Variants in SCN3A observed in about 807,000 individuals in gnomAD.
The protein encoded by SCN3A is sodium channel protein type 3 subunit alpha.
A neutral mutation model predicts 187.6 loss-of-function variants in SCN3A; 60 were observed. The ratio of observed to expected loss-of-function variants is 0.32; its 90% CI spans 0.26 to 0.40. The LOEUF is 0.40. Ranked by LOEUF, SCN3A falls within the 10% of genes least tolerant of loss-of-function variation. The pLI is 1.00. For synonymous variants in SCN3A, 788 were observed against 829.2 expected, an observed-to-expected ratio of 0.95 and a Z score of 0.85; for missense variants, 1,601 against 2,428.2, an observed-to-expected ratio of 0.66 and a Z score of 7.16.
At chr2:165,091,496 A>T (rs1395520065) in intron 27 of SCN3A, 151 bp from the exon 28 acceptor site, 1 of 1,053,542 alleles carries the variant, frequency 9.5e-7, no homozygotes, top group Admixed American at 2.1e-5. Context: ...TAGCAATTAC[A>T]GATTACAGAG....
At chr2:165,109,408 C>G (rs1293980422) in intron 21 of SCN3A, among the ~76,000 whole-genome samples, 1 of 152,156 alleles carries the variant, frequency 6.6e-6, no homozygotes, top group Non-Finnish European at 1.5e-5. Context: ...GTCTAATAAA[C>G]ATCTCAAATG....
chr2:165,090,173 CT>C lies in SCN3A; in HGVS notation c.5979del (p.Glu1994ArgfsTer41). 6.3e-7 allele frequency: 1 copy of C among 1,590,654 alleles called. No homozygotes were observed. Among genetic ancestry groups the C allele is most frequent in the Non-Finnish European group, 8.6e-7 (1 of 1,164,486 alleles). On this transcript the variant is annotated frameshift_variant, in exon 28 of 28. Transcript: ENST00000283254. LOFTEE classifies it high-confidence loss of function. The surrounding 1 kb of genome is among the most constrained non-coding windows in gnomAD (Gnocchi z 4.0). ...TTTTACTTTTGATTTTCTCTGACCT[CT>C]TTTCCTTTGCTTTCTTTTTCTGGTT... ...KDKPEKESKGKEVRENQK is the reference protein window; with the variant it reads ...KDKPEKESKGXEVRENQK
At chr2:165,183,344 T>G (rs1173350875) in intron 2 of SCN3A, among the ~76,000 whole-genome samples, 1 of 152,232 alleles carries the variant, frequency 6.6e-6, no homozygotes, top group African/African-American at 2.4e-5. Flanking sequence ...ATATTTGTCT[T>G]GAATCTTACT....
At chr2:165,145,931 G>GACATATGTAA (rs1688290960) in intron 12 of SCN3A, among the ~76,000 whole-genome samples, 1 of 151,992 alleles carries the variant, frequency 6.6e-6, no homozygotes, top group Non-Finnish European at 1.5e-5. Context: ...CTTTACATCA[G>GACATATGTAA]ACATATGTAA....
rs966435423 is a variant in SCN3A at position 165,168,895 on chromosome 2, A to C, written c.384-70T>G. ...ATTTATAAATGATCCAAAACACACA[A>C]AAAAGTTTATCGATGCAAAAACTGT... On this transcript the variant is annotated intron_variant, in intron 4 of 27. Transcript: ENST00000283254. 2.8e-6 allele frequency: 3 copies of C among 1,087,228 alleles called. No individual in the cohort carries two copies. The African/African-American group carries it at 4.6e-5, about 17-fold the overall frequency. 67.3% of individuals were successfully genotyped at this position (1,087,228 alleles called of 1,614,324 possible). A position where few individuals can be genotyped will look rare whatever the true frequency, so the allele number is the denominator to read the frequency against.
At chr2:165,144,798 G>C (rs1211504429) in intron 12 of SCN3A, among the ~76,000 whole-genome samples, 1 of 151,992 alleles carries the variant, frequency 6.6e-6, no homozygotes, top group Non-Finnish European at 1.5e-5. Context: ...TGAGGTCAGT[G>C]GATTGAGTCT....
rs762077258 is a variant in SCN3A at position 165,097,227 on chromosome 2, CA to C, written c.4239+24del. The C allele has an allele frequency of 4.3e-6, 7 of 1,612,754 alleles. 1 individual carries two copies. In the South Asian group the frequency reaches 7.7e-5, roughly 18 times the overall value. ...CCTTGAAACATCTTGAAAACTTTTT[CA>C]AAACTCGTACAGTAGCCACTTACCA... is the stretch of plus-strand genomic sequence containing the variant. On this transcript the variant is annotated intron_variant, in intron 23 of 27. Coordinates refer to ENST00000283254, the MANE Select transcript of SCN3A (RefSeq NM_006922.4).
chr2:165,095,994 G>T (rs553870925), intron 24 of SCN3A, among the ~76,000 whole-genome samples: 1 of 152,030 alleles, frequency 6.6e-6, no homozygotes, highest in Non-Finnish European at 1.5e-5. Flanking sequence ...TTGGAAATAC[G>T]GCTTTAAGAG....
intron 21 of SCN3A, among the ~76,000 whole-genome samples, chr2:165,111,038 A>G (rs536478903): frequency 6.6e-6 from 1 of 152,308 alleles, no homozygotes; most frequent in East Asian, 1.9e-4. Flanking sequence ...CTTCTATCAC[A>G]TTTTAAAATA....
intron 21 of SCN3A, among the ~76,000 whole-genome samples, chr2:165,103,370 G>A (rs1685697719): frequency 2.0e-5 from 3 of 152,114 alleles, no homozygotes; most frequent in Admixed American, 6.5e-5. Context: ...CTGTTTTTAT[G>A]TCTAATGTGT....
rs369010746 is a variant in SCN3A at position 165,140,936 on chromosome 2, G to A, written c.1734C>T (p.Phe578=). The change falls in exon 13 of 28, where the codon TTC becomes TTT. Residue 578 remains phenylalanine, a synonymous_variant. Transcript: ENST00000283254. This position sits in a 1 kb window ranked among gnomAD's most constrained non-coding sequence, Gnocchi z 4.2. The part of the protein sequence containing the change: ...SPRRNSKTSI[F]SFRGRAKDVG... The stretch of plus-strand genomic sequence containing the variant: ...CATCCTTTGCCCGACCTCTGAAACT[G>A]AAAATGCTTGTTTTGCTATTGCGTC... 8 of 1,613,948 alleles carry A rather than the reference G, an allele frequency of 5.0e-6. No individual in the cohort carries two copies. In the African/African-American group the frequency reaches 1.1e-4, roughly 22 times the overall value.
chr2:165,158,200 A>T (rs1689179236), intron 9 of SCN3A, among the ~76,000 whole-genome samples: 1 of 93,380 alleles, frequency 1.1e-5, no homozygotes, highest in African/African-American at 5.9e-5. Context: ...CAGGATTGTT[A>T]ATCTATACTA....
At chr2:165,124,894 T>C (rs1226953073) in intron 18 of SCN3A, among the ~76,000 whole-genome samples, 2 of 152,144 alleles carry the variant, frequency 1.3e-5, no homozygotes, top group Non-Finnish European at 2.9e-5. Flanking sequence ...CTAAACTGTT[T>C]TACTCTTTGA....
intron 7 of SCN3A, 147 bp downstream of exon 7, chr2:165,163,471 G>C: frequency 1.0e-6 from 1 of 973,784 alleles, no homozygotes; most frequent in Non-Finnish European, 1.6e-6. Flanking sequence ...TAAAATTTTA[G>C]GAGCTAAACT....
chr2:165,122,023 A>G (rs1686704772), intron 18 of SCN3A, among the ~76,000 whole-genome samples: 2 of 152,150 alleles, frequency 1.3e-5, no homozygotes, highest in African/African-American at 4.8e-5. Context: ...CAATTACTTA[A>G]TGATCAAGAT....
chr2:165,157,633 A>G (rs1323923504), intron 9 of SCN3A, among the ~76,000 whole-genome samples: 1 of 152,198 alleles, frequency 6.6e-6, no homozygotes, highest in Non-Finnish European at 1.5e-5. Flanking sequence ...TCTTTGAAAT[A>G]AAGTCACTGT....
At chr2:165,114,021 A>G in intron 19 of SCN3A, 51 bp from the exon 20 acceptor site, 1 of 1,264,212 alleles carries the variant, frequency 7.9e-7, no homozygotes. Context: ...CTTAAATAGG[A>G]AAAAATAAAC....
At chr2:165,130,816 GT>G (rs1288948510) in intron 16 of SCN3A, among the ~76,000 whole-genome samples, 2 of 151,974 alleles carry the variant, frequency 1.3e-5, no homozygotes, top group Admixed American at 6.6e-5. Flanking sequence ...AATTCAAAAA[GT>G]TTTTTATACA....
intron 13 of SCN3A, 131 bp from the exon 14 acceptor site, chr2:165,139,739 A>G (rs1467431529): frequency 2.6e-6 from 3 of 1,134,562 alleles, no homozygotes; most frequent in Non-Finnish European, 3.9e-6. Context: ...AAAATATTGA[A>G]TTATTGCTAA....
Sources: gnomAD v4.1 joint callset for allele counts (sites outside exome capture counted in the v4.1 genomes callset) on GRCh38, gnomAD v4.1.1 for gene constraint, Gnocchi (gnomAD v3.1) non-coding constraint, MANE v1.5 for transcripts, NCBI Gene and HGNC (gene_info 2026-07-23, HGNC 2026-07-21) for gene names.